The following PIK3AP1 variants were observed in gnomAD, a reference collection of about 807,000 sequenced individuals.
The protein encoded by PIK3AP1 is phosphoinositide 3-kinase adapter protein 1.
Under a neutral mutation model 88.1 loss-of-function variants are expected in PIK3AP1, and 21 were observed. That is an observed-to-expected ratio of 0.24 (90% CI 0.17 to 0.34). The LOEUF is 0.34. Ranked by LOEUF, PIK3AP1 falls within the 10% of genes least tolerant of loss-of-function variation. The probability of loss-of-function intolerance (pLI) is 1.00; values close to 1 mark genes in which losing one functional copy is unlikely to be tolerated. For synonymous variants in PIK3AP1, 398 were observed against 400.0 expected (o/e 1.00, Z 0.06); for missense variants, 828 against 1,035.7 (o/e 0.80, Z 2.75).
intron 11 of PIK3AP1, among the ~76,000 whole-genome samples, chr10:96,623,172 A>T (rs74614788): frequency 6.6e-6 from 1 of 152,136 alleles, no homozygotes; most frequent in East Asian, 1.9e-4. Flanking sequence ...GCCACACTAA[A>T]GTATCCTTGG....
chr10:96,673,002 T>C (rs1843868031), intron 2 of PIK3AP1, among the ~76,000 whole-genome samples: 1 of 152,192 alleles, frequency 6.6e-6, no homozygotes, highest in Admixed American at 6.5e-5. Context: ...CCGGCCCTAG[T>C]TCATAAGCTT....
Position 96,604,006 on chromosome 10 carries a change from C to A in PIK3AP1, c.2214G>T (p.Val738=), listed in dbSNP as rs752844654. Residue 738 remains valine, a synonymous_variant, in exon 15 of 17, where the codon GTG becomes GTT. Transcript: ENST00000339364. ...NRSSTRSLLS[V]SSGMEGDNED... is the part of the protein sequence containing the mutation. ...CGTTGTCCCCTTCCATCCCGCTGCT[C>A]ACACTGAGGAGGCTCCGGGTGCTGG... is the stretch of plus-strand genomic sequence containing the variant. 12 of 1,608,500 alleles carry A rather than the reference C, an allele frequency of 7.5e-6. No homozygotes were observed. Among genetic ancestry groups the A allele is most frequent in the Non-Finnish European group, 9.3e-6 (11 of 1,177,300 alleles).
At chr10:96,638,760 C>T (rs1344342050) in intron 8 of PIK3AP1, among the ~76,000 whole-genome samples, 1 of 152,192 alleles carries the variant, frequency 6.6e-6, no homozygotes, top group Non-Finnish European at 1.5e-5. Context: ...ATTCTCAAAG[C>T]AGTGTCTTTT....
intron 2 of PIK3AP1, among the ~76,000 whole-genome samples, chr10:96,705,513 T>C (rs532005259): frequency 1.3e-4 from 20 of 152,090 alleles, no homozygotes; most frequent in South Asian, 1.2e-3. Context: ...AGCCCTACAA[T>C]CAATAACTCC....
At chr10:96,641,187 T>C (rs1008937426) in intron 8 of PIK3AP1, among the ~76,000 whole-genome samples, 1 of 151,804 alleles carries the variant, frequency 6.6e-6, no homozygotes, top group Non-Finnish European at 1.5e-5. Flanking sequence ...AGCAGAATTG[T>C]ACAATCTCAG....
intron 8 of PIK3AP1, among the ~76,000 whole-genome samples, chr10:96,632,407 A>ATT (rs35406169): frequency 5.5e-5 from 8 of 146,166 alleles, no homozygotes; most frequent in East Asian, 2.0e-4. Context: ...TTTCAAAATA[A>ATT]TTTTTTTTTT....
Position 96,700,781 on chromosome 10 carries a change from C to T in PIK3AP1, c.430+8786G>A, listed in dbSNP as rs557454578. On this transcript the variant is annotated intron_variant, in intron 2 of 16. Coordinates refer to ENST00000339364, the MANE Select transcript of PIK3AP1 (RefSeq NM_152309.3). ...AGTCCTGCAAAGTGCCCCATAAGCC[C>T]CAGAAGTCGTCCATGACTTACCATC... is the stretch of plus-strand genomic sequence containing the variant. 2,049 of 983,704 alleles carry T rather than the reference C, an allele frequency of 2.1e-3. 3 individuals carry two copies. The highest frequency in any genetic ancestry group is 2.3e-3 in the Non-Finnish European group (1,933 of 828,412). The allele number at this position is 983,704 out of a possible 1,614,324, so 60.9% of individuals were successfully genotyped here.
rs75610286 is a variant in PIK3AP1 at position 96,630,673 on chromosome 10, A to G, written c.1376-2180T>C. Among the ~76,000 whole-genome samples, 450 of 136,720 alleles carry G rather than the reference A, an allele frequency of 3.3e-3. 2 individuals carry two copies. Among genetic ancestry groups the G allele is most frequent in the Non-Finnish European group, 4.7e-3 (300 of 63,808 alleles). 89.7% of individuals were successfully genotyped at this position (136,720 alleles called of 152,430 possible). ...AACACACAGAAACCCTGTCTCTATT[A>G]AAAAAAAAAAGAAAAAAAAATTGGC... On this transcript the variant is annotated intron_variant, in intron 8 of 16. Coordinates refer to ENST00000339364, the MANE Select transcript of PIK3AP1 (RefSeq NM_152309.3).
chr10:96,652,521 T>G (rs901551523), intron 4 of PIK3AP1, among the ~76,000 whole-genome samples, 177 bp downstream of exon 4: 1 of 151,236 alleles, frequency 6.6e-6, no homozygotes, highest in African/African-American at 2.4e-5. Context: ...TGCAGTGAGC[T>G]GAGATCATGC....
chr10:96,697,027 TAC>T (rs1249817683), intron 2 of PIK3AP1, among the ~76,000 whole-genome samples: 10 of 152,192 alleles, frequency 6.6e-5, no homozygotes, highest in South Asian at 2.1e-4. Context: ...CAAAAATAGA[TAC>T]AGAGTGGCCA....
At chr10:96,608,011 G>A (rs1000840298) in intron 14 of PIK3AP1, among the ~76,000 whole-genome samples, 2 of 152,176 alleles carry the variant, frequency 1.3e-5, no homozygotes, top group Admixed American at 1.3e-4. Flanking sequence ...CTGTCATTTA[G>A]TAACATTTTC....
At chr10:96,680,438 T>G (rs926533203) in intron 2 of PIK3AP1, among the ~76,000 whole-genome samples, 1 of 152,186 alleles carries the variant, frequency 6.6e-6, no homozygotes, top group African/African-American at 2.4e-5. Context: ...TAGTTATTTT[T>G]TCTGATCCTC....
chr10:96,649,156 C>T (rs535473614), intron 6 of PIK3AP1, among the ~76,000 whole-genome samples: 12 of 152,292 alleles, frequency 7.9e-5, no homozygotes, highest in Admixed American at 6.5e-4. Context: ...AAGTGATTCT[C>T]TCGCCTCAGC....
chr10:96,667,702 A>T (rs1055893022), intron 2 of PIK3AP1, among the ~76,000 whole-genome samples: 10 of 152,238 alleles, frequency 6.6e-5, no homozygotes, highest in Non-Finnish European at 1.3e-4. Context: ...TTAAGAAAAA[A>T]AAAAATAAAA....
In PIK3AP1 at chr10:96,645,497, C is replaced by T; in HGVS notation, c.1351G>A (p.Val451Ile). The T allele has an allele frequency of 6.2e-7, 1 of 1,613,728 alleles. No homozygotes were observed. The highest frequency in any genetic ancestry group is 1.3e-5 in the African/African-American group (1 of 74,998). Residue 451 changes from valine to isoleucine, a missense_variant, in exon 8 of 17, where the codon GTC (valine) becomes ATC (isoleucine). Coordinates refer to ENST00000339364, the MANE Select transcript of PIK3AP1 (RefSeq NM_152309.3). ...EDLYESMAAF[V>I]PAATEDLYVE... Reference sequence around the variant, plus strand: ...CAGAGGTCTTCAGTGGCAGCTGGGACAAAGGCAGCCATGGACTCATAGAGA... The same window carrying T: ...CAGAGGTCTTCAGTGGCAGCTGGGATAAAGGCAGCCATGGACTCATAGAGA...
At chr10:96,659,868 C>T (rs371597994) in intron 2 of PIK3AP1, among the ~76,000 whole-genome samples, 2 of 151,978 alleles carry the variant, frequency 1.3e-5, no homozygotes, top group East Asian at 3.9e-4. Context: ...GCCACACAAC[C>T]TTCTTTGAAT....
intron 2 of PIK3AP1, among the ~76,000 whole-genome samples, chr10:96,669,146 A>C (rs1843806927): frequency 6.6e-6 from 1 of 152,016 alleles, no homozygotes; most frequent in African/African-American, 2.4e-5. Flanking sequence ...ATAAAATAAA[A>C]TTTAACCACC....
chr10:96,677,178 C>T (rs894318469), intron 2 of PIK3AP1, among the ~76,000 whole-genome samples: 1 of 152,190 alleles, frequency 6.6e-6, no homozygotes, highest in Non-Finnish European at 1.5e-5. Context: ...CAGGGAGAAA[C>T]ACCGATTCAG....
At position 96,713,468 on chromosome 10, in the gene PIK3AP1, C is replaced by T. The variant is rs1022917619; in HGVS notation, c.14-3485G>A. Among the ~76,000 whole-genome samples the T allele has an allele frequency of 7.0e-5, 10 of 142,566 alleles. No homozygotes were observed. The South Asian group carries it at 2.2e-3, about 32-fold the overall frequency. 93.5% of individuals were successfully genotyped at this position (142,566 alleles called of 152,430 possible). On this transcript the variant is annotated intron_variant, in intron 1 of 16. Transcript: ENST00000339364. Reference sequence around the variant, plus strand: ...GCAGTGAGCCGAGATTGCGCCACTGCACTCCAGCCTGGGAGACAGACCGAG... The same window carrying T: ...GCAGTGAGCCGAGATTGCGCCACTGTACTCCAGCCTGGGAGACAGACCGAG...
Sources: gnomAD v4.1 joint callset for allele counts (sites outside exome capture counted in the v4.1 genomes callset) on GRCh38, gnomAD v4.1.1 for gene constraint, MANE v1.5 for transcripts, NCBI Gene and HGNC (gene_info 2026-07-23, HGNC 2026-07-21) for gene names.